SNX20: variants seen among roughly 807,000 people sequenced by gnomAD.
SNX20 encodes sorting nexin-20.
SNX20 carries 21 observed loss-of-function variants against 24.5 expected under a neutral mutation model. The ratio of observed to expected loss-of-function variants is 0.86; its 90% CI spans 0.61 to 1.23. The LOEUF is 1.23. Ranked by LOEUF, SNX20 falls within the 50% of genes most tolerant of loss-of-function variation. The pLI is 0.00. For synonymous variants in SNX20, 206 were observed against 192.8 expected, an observed-to-expected ratio of 1.07 and a Z score of -0.57; for missense variants, 433 against 430.8, an observed-to-expected ratio of 1.00 and a Z score of -0.04.
intron 1 of SNX20, among the ~76,000 whole-genome samples, chr16:50,680,919 T>G (rs1963283399): frequency 6.6e-6 from 1 of 152,216 alleles, no homozygotes; most frequent in Admixed American, 6.5e-5. Context: ...GACACTGTTC[T>G]TTTGAGAAAC....
At chr16:50,675,445 G>C (rs1170545023) in intron 3 of SNX20, among the ~76,000 whole-genome samples, 1 of 152,144 alleles carries the variant, frequency 6.6e-6, no homozygotes, top group Non-Finnish European at 1.5e-5. Flanking sequence ...AAAAAAATAA[G>C]TAATAATAAT....
downstream of SNX20, chr16:50,668,990 CT>C (rs1962978342): frequency 6.5e-6 from 10 of 1,550,016 alleles, no homozygotes; most frequent in South Asian, 1.1e-4. Flanking sequence ...TGGATGACCC[CT>C]AAGAGCTTCC....
chr16:50,680,309 C>A (rs1392136312), intron 1 of SNX20, among the ~76,000 whole-genome samples: 1 of 152,174 alleles, frequency 6.6e-6, no homozygotes, highest in Non-Finnish European at 1.5e-5. Context: ...TCCCTCTCCT[C>A]ACCCTCTGTA....
chr16:50,676,426 G>C (rs1963183743), intron 2 of SNX20, among the ~76,000 whole-genome samples: 1 of 152,148 alleles, frequency 6.6e-6, no homozygotes, highest in Non-Finnish European at 1.5e-5. Flanking sequence ...CACATGCCGG[G>C]CTCTTCTCGG....
chr16:50,675,911 A>C lies in SNX20; in HGVS notation c.141T>G (p.Ser47Arg). The C allele has an allele frequency of 6.2e-7, 1 of 1,607,544 alleles. No individual in the cohort carries two copies. Among genetic ancestry groups the C allele is most frequent in the Non-Finnish European group, 8.5e-7 (1 of 1,177,990 alleles). Residue 47 changes from serine to arginine, a missense_variant, in exon 3 of 4, where the codon AGT (serine) becomes AGG (arginine). By Grantham distance (110) the Ser-to-Arg change is moderately radical. Transcript: ENST00000330943. ...TCATGCTGGAGTTGGAGCTCAGGCC[A>C]CTGTGTGTGTCTGGAAGGACAACAC... is the stretch of plus-strand genomic sequence containing the variant. ...PGPDGHLDTH[S>R]GLSSNSSMTT... is the part of the protein sequence containing the mutation.
chr16:50,668,629 G>T (rs896889653), downstream of SNX20: 28 of 1,022,666 alleles, frequency 2.7e-5, no homozygotes, highest in African/African-American at 4.6e-4. Context: ...GGGAAGGGCT[G>T]TGTGAGCATG....
Position 50,677,422 on chromosome 16 carries a change from C to A in SNX20, c.105G>T (p.Pro35=). The change falls in exon 2 of 4, where the codon CCG becomes CCT. Residue 35 remains proline (P), a synonymous_variant. Transcript: ENST00000330943. The part of the protein sequence containing the change: ...QEAPATGPDL[P]HPGPDGHLDT... ...CTAAGTGCCCGTCAGGTCCTGGGTG[C>A]GGGAGGTCGGGGCCAGTGGCTGGTG... is the stretch of plus-strand genomic sequence containing the variant. 1 of 1,605,700 alleles carries A rather than the reference C, an allele frequency of 6.2e-7. No homozygotes were observed. Among genetic ancestry groups the A allele is most frequent in the East Asian group, 2.3e-5 (1 of 44,326 alleles).
In SNX20 at chr16:50,673,496, CAG is replaced by C; in HGVS notation, c.859_860del (p.Leu287AlafsTer76). Reference sequence around the variant, plus strand: ...GCTGGCTCTCCTCCAGCCTCTCCTGCAGAGTCACGAAGTCCTTGCCCAGCGCG... The same window carrying C: ...GCTGGCTCTCCTCCAGCCTCTCCTGCAGTCACGAAGTCCTTGCCCAGCGCG... ...AYALGKDFVT[L>X]QERLEESQLR... On this transcript the variant is annotated frameshift_variant, in exon 4 of 4. Coordinates refer to ENST00000330943, the MANE Select transcript of SNX20 (RefSeq NM_182854.4). LOFTEE classifies it high-confidence loss of function. The surrounding 1 kb of genome is among the most constrained non-coding windows in gnomAD (Gnocchi z 4.1). 2 of 1,609,234 alleles carry C rather than the reference CAG, an allele frequency of 1.2e-6. No individual in the cohort carries two copies. Among genetic ancestry groups the C allele is most frequent in the Non-Finnish European group, 1.7e-6 (2 of 1,178,484 alleles).
At chr16:50,667,929 G>T, downstream of SNX20, 1 of 1,310,372 alleles carries the variant, frequency 7.6e-7, no homozygotes, top group Non-Finnish European at 1.1e-6. Context: ...ACAGCTAGAT[G>T]GGTAGGGGGG....
In SNX20 at chr16:50,674,033, G is replaced by A. The variant is rs756369753; in HGVS notation, c.324C>T (p.Asn108=). Residue 108 remains asparagine (N), a synonymous_variant, in exon 4 of 4, where the codon AAC becomes AAT. Coordinates refer to ENST00000330943, the MANE Select transcript of SNX20 (RefSeq NM_182854.4). The stretch of plus-strand genomic sequence containing the variant: ...AGCGCCGTTCCAGGACGGCCTTGTT[G>A]TTGTCAAAGCTCCCAGTCTGGATGA... ...IIVIQTGSFD[N]NKAVLERRYS... is the part of the protein sequence containing the mutation. 1.2e-6 allele frequency: 2 copies of A among 1,609,538 alleles called. No individual in the cohort carries two copies. Among genetic ancestry groups the A allele is most frequent in the South Asian group, 1.1e-5 (1 of 90,458 alleles).
chr16:50,667,801 G>A, downstream of SNX20: 4 of 611,456 alleles, frequency 6.5e-6, 1 homozygote, highest in East Asian at 8.3e-5. Flanking sequence ...AGTCTGCCCT[G>A]AACTGTGCCT....
intron 1 of SNX20, 128 bp from the exon 2 acceptor site, chr16:50,677,663 C>T: frequency 9.8e-7 from 1 of 1,021,314 alleles, no homozygotes. Context: ...CCCCACGGCT[C>T]AACCTTCCCC....
chr16:50,676,524 C>T (rs991954326), intron 2 of SNX20, among the ~76,000 whole-genome samples: 4 of 152,140 alleles, frequency 2.6e-5, no homozygotes, highest in African/African-American at 4.8e-5. Context: ...TTGAGCCCTG[C>T]GCCACTCTGA....
downstream of SNX20, chr16:50,668,045 C>A (rs934497840): frequency 2.6e-6 from 4 of 1,551,642 alleles, no homozygotes; most frequent in East Asian, 9.8e-5. Flanking sequence ...CCGGAGCCTA[C>A]GGGTTGAAAG....
Position 50,675,899 on chromosome 16 carries a change from G to T in SNX20, c.153C>A (p.Ser51=). ...GHLDTHSGLS[S]NSSMTTRELQ... ...GCTCCCGCGTGGTCATGCTGGAGTT[G>T]GAGCTCAGGCCACTGTGTGTGTCTG... is the stretch of plus-strand genomic sequence containing the variant. The change falls in exon 3 of 4, where the codon TCC becomes TCA. Residue 51 remains serine, a synonymous_variant. Coordinates refer to ENST00000330943, the MANE Select transcript of SNX20 (RefSeq NM_182854.4). The T allele has an allele frequency of 6.2e-7, 1 of 1,610,620 alleles. No individual in the cohort carries two copies.
chr16:50,677,793 G>A (rs1020815019), intron 1 of SNX20, among the ~76,000 whole-genome samples: 12 of 152,178 alleles, frequency 7.9e-5, no homozygotes, highest in African/African-American at 1.4e-4. Flanking sequence ...TGATCCTTAC[G>A]TATTGCTCAG....
At position 50,674,002 on chromosome 16, in the gene SNX20, C is replaced by G. The variant is rs1963123879; in HGVS notation, c.355G>C (p.Asp119His). ...AGCGCTTTCTGGAGCTTCGCGAAGT[C>G]GGAATAGCGCCGTTCCAGGACGGCC... ...NKAVLERRYS[D>H]FAKLQKALLK... is the part of the protein sequence containing the mutation. Residue 119 changes from aspartate to histidine, a missense_variant, in exon 4 of 4, where the codon GAC (aspartate) becomes CAC (histidine). Asp to His is a moderately conservative substitution (Grantham distance 81). Transcript: ENST00000330943. The G allele has an allele frequency of 1.2e-6, 2 of 1,612,162 alleles. No homozygotes were observed. The highest frequency in any genetic ancestry group is 1.7e-6 in the Non-Finnish European group (2 of 1,179,282).
Position 50,673,534 on chromosome 16 carries a change from G to A in SNX20, c.823C>T (p.Arg275Cys). Residue 275 changes from arginine (R) to cysteine (C), a missense_variant, in exon 4 of 4, where the codon CGC (arginine) becomes TGC (cysteine). Coordinates refer to ENST00000330943, the MANE Select transcript of SNX20 (RefSeq NM_182854.4). The surrounding 1 kb of genome is among the most constrained non-coding windows in gnomAD (Gnocchi z 4.1). ...YYAPLLDAMVRLAYALGKDFV... is the reference protein window; with the variant it reads ...YYAPLLDAMVCLAYALGKDFV... ...TCCTTGCCCAGCGCGTAGGCCAGGCGGACCATGGCGTCCAGCAGAGGCGCA... is the reference window on the plus strand; with the variant it reads ...TCCTTGCCCAGCGCGTAGGCCAGGCAGACCATGGCGTCCAGCAGAGGCGCA... The A allele has an allele frequency of 1.9e-6, 3 of 1,609,570 alleles. No individual in the cohort carries two copies. The highest frequency in any genetic ancestry group is 2.5e-6 in the Non-Finnish European group (3 of 1,179,076).
intron 3 of SNX20, 63 bp downstream of exon 3, chr16:50,675,707 T>C (rs1963164445): frequency 6.3e-7 from 1 of 1,595,466 alleles, no homozygotes; most frequent in Non-Finnish European, 8.5e-7. Flanking sequence ...TCTACAAGAC[T>C]TATTCAGGGC....
Sources: allele counts gnomAD v4.1 joint callset (sites outside exome capture counted in the v4.1 genomes callset), GRCh38; gene constraint gnomAD v4.1.1; non-coding constraint Gnocchi (gnomAD v3.1); transcripts MANE v1.5; gene names NCBI Gene and HGNC (gene_info 2026-07-23, HGNC 2026-07-21).